The following LRRC4C variants were observed in gnomAD, a reference collection of about 807,000 sequenced individuals.
LRRC4C encodes the protein leucine rich repeat containing 4C, also known as leucine-rich repeat-containing protein 4C.
LRRC4C carries 5 observed loss-of-function variants against 33.6 expected under a neutral mutation model. That is an observed-to-expected ratio of 0.15 (90% CI 0.08 to 0.31). LRRC4C has a LOEUF of 0.31. Ranked by LOEUF, LRRC4C falls within the 10% of genes least tolerant of loss-of-function variation. LRRC4C has a pLI of 1.00. For missense variants in LRRC4C, 560 were observed against 796.7 expected, an observed-to-expected ratio of 0.70 and a Z score of 3.58; for synonymous variants, 329 against 302.0, an observed-to-expected ratio of 1.09 and a Z score of -0.93.
intron 1 of LRRC4C, among the ~76,000 whole-genome samples, chr11:41,065,572 C>T (rs552648070): frequency 3.4e-4 from 52 of 152,332 alleles, no homozygotes; most frequent in African/African-American, 1.2e-3. Flanking sequence ...TGCTAAGGGA[C>T]ATACTGCCTC....
chr11:41,051,329 T>G (rs1488766418), intron 1 of LRRC4C, among the ~76,000 whole-genome samples: 1 of 152,090 alleles, frequency 6.6e-6, no homozygotes, highest in Admixed American at 6.6e-5. Flanking sequence ...ATCAAGTCTT[T>G]CATACATTTT....
At chr11:40,284,897 G>T (rs1218909135) in intron 4 of LRRC4C, among the ~76,000 whole-genome samples, 13 of 152,138 alleles carry the variant, frequency 8.5e-5, no homozygotes, top group African/African-American at 3.1e-4. Flanking sequence ...TGCAAGGCTT[G>T]TAGGAGACTC....
In LRRC4C at chr11:40,682,931, T is replaced by A. The variant is rs886396540; in HGVS notation, c.-406-34653A>T. 1.1e-4 allele frequency among the ~76,000 whole-genome samples: 16 copies of A among 152,198 alleles called. 1 individual carries two copies. In the Middle Eastern group the frequency reaches 0.01, roughly 97 times the overall value. On this transcript the variant is annotated intron_variant, in intron 2 of 6. Transcript: ENST00000528697. The stretch of plus-strand genomic sequence containing the variant: ...GCTGGGTTACTTGCTGTTCCCCACG[T>A]CCAAAGGCAGAAAATATTATAGAAG...
At chr11:40,513,264 A>AAAG in intron 3 of LRRC4C, among the ~76,000 whole-genome samples, 1 of 151,690 alleles carries the variant, frequency 6.6e-6, no homozygotes, top group African/African-American at 2.4e-5. Context: ...AAAAAAAAAA[A>AAAG]AAAAAGAAAA....
chr11:41,194,093 T>A (rs2136225645), intron 1 of LRRC4C, among the ~76,000 whole-genome samples: 1 of 152,246 alleles, frequency 6.6e-6, no homozygotes, highest in East Asian at 1.9e-4. Context: ...TGATTCACTT[T>A]TATTTCATGA....
intron 1 of LRRC4C, among the ~76,000 whole-genome samples, chr11:41,393,554 G>T (rs1953687789): frequency 6.6e-6 from 1 of 151,800 alleles, no homozygotes. Context: ...GATCGCCACT[G>T]GTTCCAGGGT....
chr11:40,147,773 G>T (rs1322499508), intron 5 of LRRC4C, among the ~76,000 whole-genome samples: 1 of 152,008 alleles, frequency 6.6e-6, no homozygotes, highest in Non-Finnish European at 1.5e-5. Context: ...AAGTTCAGGG[G>T]TACATGTGCA....
At chr11:41,366,570 A>AAGCTTAAAAAAG (rs1438209394) in intron 1 of LRRC4C, among the ~76,000 whole-genome samples, 19 of 152,178 alleles carry the variant, frequency 1.2e-4, no homozygotes, top group African/African-American at 4.3e-4. Context: ...AAATAGAGAT[A>AAGCTTAAAAAAG]TTATAAGCTG....
chr11:40,315,518 A>G (rs942323284), intron 4 of LRRC4C, among the ~76,000 whole-genome samples: 1 of 152,066 alleles, frequency 6.6e-6, no homozygotes, highest in African/African-American at 2.4e-5. Flanking sequence ...AGAAATTTAA[A>G]ATTAATATTA....
chr11:40,530,841 G>A (rs1035093956), intron 3 of LRRC4C, among the ~76,000 whole-genome samples: 2 of 152,054 alleles, frequency 1.3e-5, no homozygotes, highest in African/African-American at 4.8e-5. Flanking sequence ...TTTCATTATG[G>A]GGGTAAATGT....
chr11:40,396,731 G>T (rs1949556244), intron 3 of LRRC4C, among the ~76,000 whole-genome samples: 1 of 151,938 alleles, frequency 6.6e-6, no homozygotes, highest in Non-Finnish European at 1.5e-5. Flanking sequence ...TTTAAAAAAG[G>T]TCCAACATAA....
At chr11:40,991,073 C>A (rs11036176) in intron 1 of LRRC4C, among the ~76,000 whole-genome samples, 2 of 108,706 alleles carry the variant, frequency 1.8e-5, no homozygotes, top group Non-Finnish European at 2.0e-5. Flanking sequence ...CAAAGTGAGT[C>A]TATTACAAAA....
At chr11:41,175,057 T>C (rs1282344632) in intron 1 of LRRC4C, among the ~76,000 whole-genome samples, 2 of 152,132 alleles carry the variant, frequency 1.3e-5, no homozygotes, top group Non-Finnish European at 2.9e-5. Flanking sequence ...GCTGATCAAA[T>C]ACATTTTGAA....
chr11:41,389,693 C>T (rs996061541), intron 1 of LRRC4C, among the ~76,000 whole-genome samples: 28 of 136,114 alleles, frequency 2.1e-4, no homozygotes, highest in African/African-American at 7.7e-4. Flanking sequence ...CTTCTACTTG[C>T]ATATAATTGC....
At chr11:40,986,661 T>A (rs1442079909) in intron 1 of LRRC4C, among the ~76,000 whole-genome samples, 2 of 152,110 alleles carry the variant, frequency 1.3e-5, no homozygotes, top group East Asian at 3.9e-4. Context: ...TCTGGCGATA[T>A]GATTTTATAA....
chr11:40,745,624 T>C (rs893881063), intron 2 of LRRC4C, among the ~76,000 whole-genome samples: 3 of 152,158 alleles, frequency 2.0e-5, no homozygotes, highest in Non-Finnish European at 4.4e-5. Flanking sequence ...TCTGAATATA[T>C]TTTTTGCTAA....
At chr11:41,114,069 T>C (rs1941989646) in intron 1 of LRRC4C, among the ~76,000 whole-genome samples, 1 of 152,026 alleles carries the variant, frequency 6.6e-6, no homozygotes, top group Non-Finnish European at 1.5e-5. Context: ...ATGTCTTTTC[T>C]GAACTCTCGA....
intron 1 of LRRC4C, among the ~76,000 whole-genome samples, chr11:40,957,426 ATCTC>A (rs1003346033): frequency 1.3e-5 from 2 of 151,576 alleles, no homozygotes; most frequent in African/African-American, 4.8e-5. Flanking sequence ...TTACAGATAT[ATCTC>A]TCTATTTCTC....
intron 1 of LRRC4C, among the ~76,000 whole-genome samples, chr11:41,438,131 G>T (rs73475916): frequency 1.3e-5 from 2 of 151,666 alleles, no homozygotes; most frequent in African/African-American, 4.8e-5. Flanking sequence ...ACAGCACTGG[G>T]GAAATGGATG....
Sources: gnomAD v4.1 joint callset for allele counts (sites outside exome capture counted in the v4.1 genomes callset) on GRCh38, gnomAD v4.1.1 for gene constraint, MANE v1.5 for transcripts, NCBI Gene and HGNC (gene_info 2026-07-23, HGNC 2026-07-21) for gene names.